RBMS3: variants seen among roughly 807,000 people sequenced by gnomAD.
The protein encoded by RBMS3 is RNA-binding motif, single-stranded-interacting protein 3.
In RBMS3, 27 loss-of-function variants were observed where a neutral mutation model predicts 66.8. The observed-to-expected ratio is 0.40, with a 90% CI of 0.30 to 0.56. The LOEUF (loss-of-function observed/expected upper bound fraction) is 0.56. Among genes scored for constraint, RBMS3 ranks in the 20% least tolerant of loss-of-function variants. The pLI is 0.40. For missense variants in RBMS3, 513 were observed against 549.5 expected (o/e 0.93, Z 0.66); for synonymous variants, 188 against 183.0 (o/e 1.03, Z -0.22).
chr3:29,737,639 G>C (rs1295271990), intron 4 of RBMS3, among the ~76,000 whole-genome samples: 1 of 152,146 alleles, frequency 6.6e-6, no homozygotes, highest in Admixed American at 6.6e-5. Flanking sequence ...ATGAACCTTG[G>C]AAGTTATACG....
At chr3:29,475,237 G>A (rs1281961134) in intron 2 of RBMS3, among the ~76,000 whole-genome samples, 1 of 150,914 alleles carries the variant, frequency 6.6e-6, no homozygotes, top group African/African-American at 2.4e-5. Context: ...GCTTTAATAA[G>A]TTTCTTTTCT....
chr3:29,708,925 C>T (rs2053031140), intron 4 of RBMS3, among the ~76,000 whole-genome samples: 1 of 152,148 alleles, frequency 6.6e-6, no homozygotes, highest in Non-Finnish European at 1.5e-5. Flanking sequence ...CTAGTTGACC[C>T]AAGGTCACGC....
At chr3:29,343,147 C>T (rs1439264895) in intron 1 of RBMS3, among the ~76,000 whole-genome samples, 2 of 152,056 alleles carry the variant, frequency 1.3e-5, no homozygotes, top group Non-Finnish European at 2.9e-5. Flanking sequence ...AGTATAAAAA[C>T]AACCTAAGGA....
intron 2 of RBMS3, among the ~76,000 whole-genome samples, chr3:29,474,211 T>C (rs2042867708): frequency 6.6e-6 from 1 of 152,280 alleles, no homozygotes; most frequent in Non-Finnish European, 1.5e-5. Flanking sequence ...CTGGTGTCTT[T>C]TGCTCCGCAT....
intron 10 of RBMS3, among the ~76,000 whole-genome samples, chr3:29,903,961 A>G (rs148454578): frequency 3.3e-5 from 5 of 152,108 alleles, no homozygotes; most frequent in African/African-American, 1.2e-4. Flanking sequence ...CTGTTTAAGA[A>G]GCCCCAGAAT....
intron 3 of RBMS3, among the ~76,000 whole-genome samples, chr3:29,583,534 C>T (rs552465588): frequency 6.6e-6 from 1 of 152,164 alleles, no homozygotes; most frequent in South Asian, 2.1e-4. Flanking sequence ...ATGTTAGGTA[C>T]AGTCCCAGTA....
intron 4 of RBMS3, among the ~76,000 whole-genome samples, chr3:29,591,021 C>A (rs1169280675): frequency 6.6e-6 from 1 of 152,134 alleles, no homozygotes; most frequent in African/African-American, 2.4e-5. Flanking sequence ...CTCAAATCAG[C>A]AATTTGTGCT....
At chr3:29,775,293 A>C (rs913360496) in intron 6 of RBMS3, among the ~76,000 whole-genome samples, 2 of 148,292 alleles carry the variant, frequency 1.3e-5, no homozygotes, top group African/African-American at 5.0e-5. Flanking sequence ...ACAAGCATTC[A>C]GGCGCCTAAT....
At chr3:29,649,571 T>C (rs911780187) in intron 4 of RBMS3, among the ~76,000 whole-genome samples, 2 of 152,160 alleles carry the variant, frequency 1.3e-5, no homozygotes, top group Non-Finnish European at 2.9e-5. Flanking sequence ...TGGGTGCTTA[T>C]TATAATCATA....
chr3:29,383,103 C>T (rs533448763), intron 1 of RBMS3, among the ~76,000 whole-genome samples: 1 of 152,208 alleles, frequency 6.6e-6, no homozygotes, highest in African/African-American at 2.4e-5. Context: ...TCTAGGGCAA[C>T]AAGGTCATAG....
chr3:29,473,843 G>A (rs751042438), intron 2 of RBMS3, among the ~76,000 whole-genome samples: 12 of 152,226 alleles, frequency 7.9e-5, no homozygotes, highest in Admixed American at 6.5e-5. Context: ...CAGCTGTCCC[G>A]CAAGCGCCGC....
At chr3:29,864,021 A>C (rs1422922080) in intron 6 of RBMS3, among the ~76,000 whole-genome samples, 3 of 152,160 alleles carry the variant, frequency 2.0e-5, no homozygotes, top group Non-Finnish European at 4.4e-5. Flanking sequence ...TTTTAGGGAG[A>C]GGTAACAAAA....
At chr3:29,583,055 G>C (rs2047386320) in intron 3 of RBMS3, among the ~76,000 whole-genome samples, 1 of 152,048 alleles carries the variant, frequency 6.6e-6, no homozygotes, top group Admixed American at 6.6e-5. Flanking sequence ...CATCAATACA[G>C]ATATTTTGTA....
At chr3:29,372,673 A>G (rs2038266583) in intron 1 of RBMS3, among the ~76,000 whole-genome samples, 2 of 152,054 alleles carry the variant, frequency 1.3e-5, no homozygotes, top group South Asian at 4.2e-4. Context: ...TTATTCCTCT[A>G]ATAATAAATG....
intron 3 of RBMS3, among the ~76,000 whole-genome samples, chr3:29,499,768 G>A (rs1314865982): frequency 2.6e-5 from 4 of 152,082 alleles, no homozygotes; most frequent in Non-Finnish European, 5.9e-5. Context: ...AATTTCTTTC[G>A]ATAAACAATA....
rs1420563522 is a variant in RBMS3 at position 29,308,957 on chromosome 3, C to CCTAA, written c.75+27203_75+27206dup. Among the ~76,000 whole-genome samples the CCTAA allele has an allele frequency of 4.0e-5, 6 of 151,444 alleles. No homozygotes were observed. The East Asian group carries it at 9.8e-4, about 25-fold the overall frequency. ...TCTAACAATGATTTCAAGCTGTTAC[C>CCTAA]CTAACATTGGTTAAGACAGTAGAGC... On this transcript the variant is annotated intron_variant, in intron 1 of 14. Coordinates refer to ENST00000383767, the MANE Select transcript of RBMS3 (RefSeq NM_001003793.3).
chr3:29,529,741 G>A (rs1368280244), intron 3 of RBMS3, among the ~76,000 whole-genome samples: 1 of 152,048 alleles, frequency 6.6e-6, no homozygotes, highest in African/African-American at 2.4e-5. Context: ...ATCTAAGAAT[G>A]GATAAAGTTT....
intron 10 of RBMS3, among the ~76,000 whole-genome samples, chr3:29,930,023 C>A (rs1226316964): frequency 6.6e-6 from 1 of 151,308 alleles, no homozygotes; most frequent in African/African-American, 2.4e-5. Context: ...TATATTATAA[C>A]CATAATCTTG....
intron 8 of RBMS3, among the ~76,000 whole-genome samples, chr3:29,893,533 T>A (rs935755900): frequency 6.6e-6 from 1 of 151,564 alleles, no homozygotes; most frequent in African/African-American, 2.4e-5. Context: ...AACCACTGCA[T>A]GGCATATGAG....
Sources: allele counts gnomAD v4.1 joint callset (sites outside exome capture counted in the v4.1 genomes callset), GRCh38; gene constraint gnomAD v4.1.1; transcripts MANE v1.5; gene names NCBI Gene and HGNC (gene_info 2026-07-23, HGNC 2026-07-21).